FAXC: variants seen among roughly 807,000 people sequenced by gnomAD.
The protein encoded by FAXC is failed axon connections homolog, metaxin like GST domain containing, also known as failed axon connections homolog.
A neutral mutation model predicts 41.9 loss-of-function variants in FAXC; 10 were observed. The ratio of observed to expected loss-of-function variants is 0.24; its 90% CI spans 0.15 to 0.41. The LOEUF (loss-of-function observed/expected upper bound fraction) is 0.41. Ranked by LOEUF, FAXC falls within the 10% of genes least tolerant of loss-of-function variation. The probability of loss-of-function intolerance (pLI) is 1.00; values close to 1 mark genes in which losing one functional copy is unlikely to be tolerated. For missense variants in FAXC, 399 were observed against 510.9 expected (o/e 0.78, Z 2.11); for synonymous variants, 183 against 183.8 (o/e 1.00, Z 0.03).
chr6:99,342,367 T>C (rs1391526323), intron 2 of FAXC, among the ~76,000 whole-genome samples: 1 of 151,244 alleles, frequency 6.6e-6, no homozygotes, highest in African/African-American at 2.4e-5. Context: ...TTTTTTGAGA[T>C]GGAGTCTTGC....
In FAXC at chr6:99,271,251, G is replaced by A. The variant is rs1770390000; in HGVS notation, c.*9913C>T. The A allele has an allele frequency of 6.6e-6, 1 of 152,196 alleles. No homozygotes were observed. Among genetic ancestry groups the A allele is most frequent in the South Asian group, 2.1e-4 (1 of 4,830 alleles). 9.4% of individuals were successfully genotyped at this position (152,196 alleles called of 1,614,324 possible). A position where few individuals can be genotyped will look rare whatever the true frequency, so the allele number is the denominator to read the frequency against. The stretch of plus-strand genomic sequence containing the variant: ...GACCCTCTTCCCTCTGATGAGTCCT[G>A]AAAGCTAGGACAGCAAAGCTTCCCT... On this transcript the variant is annotated 3_prime_UTR_variant, in exon 6 of 6. Transcript: ENST00000389677.
intron 5 of FAXC, among the ~76,000 whole-genome samples, chr6:99,288,187 T>C (rs1422157011): frequency 1.3e-5 from 2 of 152,238 alleles, no homozygotes; most frequent in African/African-American, 2.4e-5. Context: ...GTAGAGTCTG[T>C]GAGTTCTACT....
At chr6:99,284,559 C>CTG (rs74553398) in intron 5 of FAXC, among the ~76,000 whole-genome samples, 5,040 of 118,866 alleles carry the variant, frequency 0.042, 305 homozygotes, top group East Asian at 0.3. Context: ...TGTGGAGTGT[C>CTG]TGTGTGTGTG....
At chr6:99,304,859 A>G (rs1365395345) in intron 4 of FAXC, among the ~76,000 whole-genome samples, 8 of 152,236 alleles carry the variant, frequency 5.3e-5, no homozygotes, top group Non-Finnish European at 1.5e-5. Context: ...TGGAAGTACA[A>G]GCTCAGTGCA....
intron 4 of FAXC, among the ~76,000 whole-genome samples, chr6:99,317,860 A>G (rs1179353615): frequency 6.6e-6 from 1 of 152,230 alleles, no homozygotes; most frequent in African/African-American, 2.4e-5. Context: ...TAACAGAAAT[A>G]CTAAAAAGGC....
intron 2 of FAXC, among the ~76,000 whole-genome samples, chr6:99,337,339 A>G (rs943246315): frequency 6.6e-6 from 1 of 152,182 alleles, no homozygotes; most frequent in Non-Finnish European, 1.5e-5. Flanking sequence ...TGAGGCAGAC[A>G]GCTCCAAAGG....
intron 5 of FAXC, among the ~76,000 whole-genome samples, chr6:99,284,770 C>T (rs1770963031): frequency 6.6e-6 from 1 of 151,796 alleles, no homozygotes; most frequent in Non-Finnish European, 1.5e-5. Flanking sequence ...AAAAAGTAGC[C>T]GGTTGTGGTA....
At chr6:99,305,350 G>A (rs1771880099) in intron 4 of FAXC, among the ~76,000 whole-genome samples, 1 of 152,156 alleles carries the variant, frequency 6.6e-6, no homozygotes, top group Admixed American at 6.5e-5. Flanking sequence ...TACCTAGTGA[G>A]CACCCCGGTG....
chr6:99,290,371 C>T (rs1156319144), intron 5 of FAXC, among the ~76,000 whole-genome samples: 1 of 152,034 alleles, frequency 6.6e-6, no homozygotes, highest in Non-Finnish European at 1.5e-5. Flanking sequence ...AAAAAAAGTA[C>T]TAAGATTGTG....
At chr6:99,286,939 A>G (rs1771050299) in intron 5 of FAXC, among the ~76,000 whole-genome samples, 1 of 152,244 alleles carries the variant, frequency 6.6e-6, no homozygotes, top group African/African-American at 2.4e-5. Context: ...TAATCTTTCT[A>G]GAAAGCAATT....
chr6:99,296,903 G>A (rs1771519963), intron 4 of FAXC, among the ~76,000 whole-genome samples: 1 of 152,130 alleles, frequency 6.6e-6, no homozygotes. Context: ...GACCTCTCCT[G>A]GGTGGTTTAG....
At chr6:99,345,448 GCAGA>G (rs1773557970) in intron 1 of FAXC, among the ~76,000 whole-genome samples, 2 of 152,312 alleles carry the variant, frequency 1.3e-5, no homozygotes, top group African/African-American at 4.8e-5. Flanking sequence ...GAATTTGAAC[GCAGA>G]CAGTCTGGCA....
intron 5 of FAXC, among the ~76,000 whole-genome samples, chr6:99,283,869 T>A (rs984744497): frequency 1.3e-5 from 2 of 152,212 alleles, no homozygotes; most frequent in Non-Finnish European, 2.9e-5. Flanking sequence ...CTTACTAGCT[T>A]TTCCTACAGA....
At chr6:99,315,026 G>C (rs183288471) in intron 4 of FAXC, among the ~76,000 whole-genome samples, 2 of 151,804 alleles carry the variant, frequency 1.3e-5, no homozygotes, top group African/African-American at 4.8e-5. Context: ...CTGAGGTCAG[G>C]AGTTCAAGAC....
intron 2 of FAXC, among the ~76,000 whole-genome samples, chr6:99,338,083 G>A (rs1773280505): frequency 6.6e-6 from 1 of 152,020 alleles, no homozygotes; most frequent in Admixed American, 6.6e-5. Context: ...GGGAATCAAG[G>A]TACCCCTAAC....
intron 5 of FAXC, among the ~76,000 whole-genome samples, chr6:99,287,681 T>C (rs1771076804): frequency 6.6e-6 from 1 of 152,216 alleles, no homozygotes; most frequent in African/African-American, 2.4e-5. Flanking sequence ...TCCGAGCCAC[T>C]TACATGCCTG....
intron 4 of FAXC, among the ~76,000 whole-genome samples, chr6:99,292,557 T>C (rs1263703167): frequency 6.6e-6 from 1 of 152,204 alleles, no homozygotes; most frequent in Admixed American, 6.5e-5. Context: ...TAGACACTAC[T>C]GCATATGGAG....
Position 99,333,335 on chromosome 6 carries a change from C to T in FAXC, c.599+16G>A, listed in dbSNP as rs1045329376. ...GCTTACTTCGAAAGGACGGGGACAC[C>T]CCAGAGGGGACTCACCAGTAGAAGT... On this transcript the variant is annotated intron_variant, in intron 3 of 5. Transcript: ENST00000389677. 1 of 1,595,674 alleles carries T rather than the reference C, an allele frequency of 6.3e-7. No homozygotes were observed. Among genetic ancestry groups the T allele is most frequent in the African/African-American group, 1.4e-5 (1 of 73,938 alleles).
intron 4 of FAXC, among the ~76,000 whole-genome samples, chr6:99,313,671 T>C (rs1772231220): frequency 6.6e-6 from 1 of 152,236 alleles, no homozygotes. Flanking sequence ...GGCACCTTTA[T>C]GGTTTTATGT....
Sources: gnomAD v4.1 joint callset for allele counts (sites outside exome capture counted in the v4.1 genomes callset) on GRCh38, gnomAD v4.1.1 for gene constraint, MANE v1.5 for transcripts, NCBI Gene and HGNC (gene_info 2026-07-23, HGNC 2026-07-21) for gene names.